Variants in SHLD1 observed in about 807,000 individuals in gnomAD.
The protein encoded by SHLD1 is shieldin complex subunit 1.
In SHLD1, 3 loss-of-function variants were observed where a neutral mutation model predicts 5.5. The ratio of observed to expected loss-of-function variants is 0.54; its 90% CI spans 0.25 to 1.40. The LOEUF is 1.40. Among genes scored for constraint, SHLD1 ranks in the 40% most tolerant of loss-of-function variants. SHLD1 has a pLI of 0.15. For synonymous variants in SHLD1, 92 were observed against 94.3 expected, an observed-to-expected ratio of 0.98 and a Z score of 0.14; for missense variants, 210 against 244.4, an observed-to-expected ratio of 0.86 and a Z score of 0.94.
At chr20:5,810,566 TC>T (rs1326165331) in intron 2 of SHLD1, among the ~76,000 whole-genome samples, 1 of 152,026 alleles carries the variant, frequency 6.6e-6, no homozygotes, top group Non-Finnish European at 1.5e-5. Context: ...ATACAGGTGT[TC>T]CATTGATTCT....
chr20:5,797,389 C>T (rs2087228188), intron 2 of SHLD1, among the ~76,000 whole-genome samples: 1 of 151,988 alleles, frequency 6.6e-6, no homozygotes, highest in Non-Finnish European at 1.5e-5. Context: ...AGTGAGACCC[C>T]ATCTCTACAA....
intron 2 of SHLD1, 122 bp from the exon 3 acceptor site, chr20:5,862,902 C>CATTAAAAAA: frequency 2.4e-6 from 2 of 833,232 alleles, no homozygotes; most frequent in Admixed American, 3.0e-5. Context: ...TGATATTTCC[C>CATTAAAAAA]ATTGCCAGTT....
chr20:5,819,996 G>A (rs561397921), intron 2 of SHLD1, among the ~76,000 whole-genome samples: 29 of 152,220 alleles, frequency 1.9e-4, no homozygotes, highest in African/African-American at 6.7e-4. Flanking sequence ...CAGACAGGCT[G>A]GAGTGCAGTG....
chr20:5,830,258 C>T (rs185644353), intron 2 of SHLD1, among the ~76,000 whole-genome samples: 1 of 152,272 alleles, frequency 6.6e-6, no homozygotes, highest in East Asian at 1.9e-4. Context: ...GTAGTGTGTT[C>T]ACATCACGGA....
At chr20:5,789,460 C>T (rs1159273911) in intron 2 of SHLD1, among the ~76,000 whole-genome samples, 1 of 151,334 alleles carries the variant, frequency 6.6e-6, no homozygotes, top group Non-Finnish European at 1.5e-5. Context: ...ACCTGTAATC[C>T]CAGCTACTAG....
At position 5,760,005 on chromosome 20, in the gene SHLD1, C is replaced by CAG. The variant is rs1396349077; in HGVS notation, c.-5+9527_-5+9528insGA. ...GTATTTTTATACACACACACACACA[C>CAG]ACACATATACATATACATCTATATT... On this transcript the variant is annotated intron_variant, in intron 1 of 2. Coordinates refer to ENST00000303142, the MANE Select transcript of SHLD1 (RefSeq NM_152504.4). Among the ~76,000 whole-genome samples, 4 of 152,022 alleles carry CAG rather than the reference C, an allele frequency of 2.6e-5. No homozygotes were observed. In the East Asian group the frequency reaches 7.7e-4, roughly 29 times the overall value.
intron 1 of SHLD1, among the ~76,000 whole-genome samples, chr20:5,764,139 A>AAATAT (rs1555768309): frequency 1.9e-4 from 18 of 95,700 alleles, no homozygotes; most frequent in Non-Finnish European, 2.7e-4. Flanking sequence ...AAAAAAAAAA[A>AAATAT]ATATATATAT....
chr20:5,752,464 A>G (rs1983811335), intron 1 of SHLD1, among the ~76,000 whole-genome samples: 1 of 152,036 alleles, frequency 6.6e-6, no homozygotes, highest in African/African-American at 2.4e-5. Context: ...AGGTGTCAGA[A>G]TTAATCTTTC....
At chr20:5,841,170 AGTGT>A (rs11469039) in intron 2 of SHLD1, among the ~76,000 whole-genome samples, 15,144 of 146,258 alleles carry the variant, frequency 0.1, 1,093 homozygotes, top group East Asian at 0.23. Flanking sequence ...GAAAATAGCG[AGTGT>A]GTGTGTGTGT....
At chr20:5,837,094 C>A (rs1285155242) in intron 2 of SHLD1, among the ~76,000 whole-genome samples, 1 of 152,104 alleles carries the variant, frequency 6.6e-6, no homozygotes, top group Non-Finnish European at 1.5e-5. Context: ...CCAACTGGAG[C>A]AATAGGACAG....
chr20:5,836,167 T>C lies in SHLD1; in HGVS notation c.179-26857T>C, dbSNP rs142007137. Among the ~76,000 whole-genome samples the C allele has an allele frequency of 4.0e-3, 604 of 152,244 alleles. 2 individuals are homozygous for C. Among genetic ancestry groups the C allele is most frequent in the South Asian group, 0.014 (67 of 4,816 alleles). ...TCCTTTGGTTGAGCTGAGACATGTG[T>C]ACAGATTTATATCTTATTCAGAGAG... On this transcript the variant is annotated intron_variant, in intron 2 of 2. Coordinates refer to ENST00000303142, the MANE Select transcript of SHLD1 (RefSeq NM_152504.4).
intron 2 of SHLD1, among the ~76,000 whole-genome samples, chr20:5,836,845 A>G (rs1199595848): frequency 6.6e-6 from 1 of 152,236 alleles, no homozygotes; most frequent in African/African-American, 2.4e-5. Context: ...ATCACCAGCT[A>G]TTTGAGGAAA....
At chr20:5,803,408 A>G (rs1182495284) in intron 2 of SHLD1, among the ~76,000 whole-genome samples, 1 of 152,056 alleles carries the variant, frequency 6.6e-6, no homozygotes, top group African/African-American at 2.4e-5. Flanking sequence ...GCCTCAAGTG[A>G]TCCTTCCGTC....
intron 1 of SHLD1, among the ~76,000 whole-genome samples, chr20:5,750,934 C>T (rs778420776): frequency 6.6e-6 from 1 of 152,108 alleles, no homozygotes; most frequent in Admixed American, 6.6e-5. Context: ...GAGTTCCAGG[C>T]TGCAGTGAGC....
intron 1 of SHLD1, chr20:5,756,689 CTTT>C (rs35462391): frequency 7.3e-4 from 59 of 80,336 alleles, no homozygotes; most frequent in Middle Eastern, 4.7e-3. Flanking sequence ...TTCTTTCTTT[CTTT>C]TTTTTTTTTT....
At position 5,772,864 on chromosome 20, in the gene SHLD1, C is replaced by T; in HGVS notation, c.-2C>T. 6.2e-7 allele frequency: 1 copy of T among 1,611,246 alleles called. No individual in the cohort carries two copies. The highest frequency in any genetic ancestry group is 1.1e-5 in the South Asian group (1 of 90,934). ...TTGTTTTCTTTTTTCCATGGCAGGACTATGGCAGCCAGGGACGCCACTTCA... is the reference window on the plus strand; with the variant it reads ...TTGTTTTCTTTTTTCCATGGCAGGATTATGGCAGCCAGGGACGCCACTTCA... On this transcript the variant is annotated splice_region_variant and 5_prime_UTR_variant, in exon 2 of 3. Transcript: ENST00000303142.
chr20:5,753,088 C>A (rs571136733), intron 1 of SHLD1, among the ~76,000 whole-genome samples: 1 of 152,106 alleles, frequency 6.6e-6, no homozygotes, highest in Non-Finnish European at 1.5e-5. Flanking sequence ...CATGAGCCAC[C>A]GCACCTGGCC....
At chr20:5,822,882 T>C (rs2087622455) in intron 2 of SHLD1, among the ~76,000 whole-genome samples, 1 of 152,106 alleles carries the variant, frequency 6.6e-6, no homozygotes, top group Non-Finnish European at 1.5e-5. Flanking sequence ...TGTTCCTTTT[T>C]ATAGCAGAAG....
At chr20:5,856,034 A>T (rs2088079068) in intron 2 of SHLD1, among the ~76,000 whole-genome samples, 1 of 152,194 alleles carries the variant, frequency 6.6e-6, no homozygotes, top group African/African-American at 2.4e-5. Flanking sequence ...GTGAGGATGA[A>T]CAGATCTACT....
Sources: gnomAD v4.1 joint callset for allele counts (sites outside exome capture counted in the v4.1 genomes callset) on GRCh38, gnomAD v4.1.1 for gene constraint, MANE v1.5 for transcripts, NCBI Gene and HGNC (gene_info 2026-07-23, HGNC 2026-07-21) for gene names.